FBN3: variants seen among roughly 807,000 people sequenced by gnomAD.
FBN3 encodes the protein fibrillin 3, also known as fibrillin-3.
In FBN3, 234 loss-of-function variants were observed where a neutral mutation model predicts 330.1. The ratio of observed to expected loss-of-function variants is 0.71; its 90% confidence interval spans 0.64 to 0.79. The LOEUF (loss-of-function observed/expected upper bound fraction) is 0.79, where lower values mean the gene tolerates loss of function less well. Among genes scored for constraint, FBN3 ranks in the 30% least tolerant of loss-of-function variants. The pLI, the probability that FBN3 is intolerant of heterozygous loss-of-function variation, is 0.00. For missense variants in FBN3, 3,606 were observed against 3,886.9 expected, an observed-to-expected ratio of 0.93 and a Z score of 1.92; for synonymous variants, 1,458 against 1,517.3, an observed-to-expected ratio of 0.96 and a Z score of 0.91.
At chr19:8,127,903 C>T (rs189499217) in intron 18 of FBN3, among the ~76,000 whole-genome samples, 1 of 152,210 alleles carries the variant, frequency 6.6e-6, no homozygotes, top group Admixed American at 6.5e-5. Context: ...ATCTCTTAAA[C>T]GGCGGGAGAA....
At chr19:8,134,130 T>C (rs2083221836) in intron 13 of FBN3, among the ~76,000 whole-genome samples, 1 of 151,478 alleles carries the variant, frequency 6.6e-6, no homozygotes, top group Admixed American at 6.6e-5. Context: ...TGGTCCCAGT[T>C]ACTCGGGAGG....
intron 54 of FBN3, among the ~76,000 whole-genome samples, chr19:8,086,605 C>T (rs1251316779): frequency 1.4e-5 from 2 of 144,658 alleles, no homozygotes; most frequent in Admixed American, 1.4e-4. Flanking sequence ...TACAGGTGCC[C>T]GCCGCCACGC....
chr19:8,145,100 T>G, intron 5 of FBN3, 128 bp from the exon 6 acceptor site: 1 of 796,390 alleles, frequency 1.3e-6, no homozygotes, highest in Admixed American at 2.3e-5. Context: ...GAGGCTGAGC[T>G]GAGTGGCTAG....
At chr19:8,145,574 G>A (rs1194957805) in intron 5 of FBN3, among the ~76,000 whole-genome samples, 1 of 149,482 alleles carries the variant, frequency 6.7e-6, no homozygotes. Context: ...CCAGCTACTC[G>A]GGAGGCTGAG....
At chr19:8,136,604 C>T (rs2083287656) in intron 10 of FBN3, 73 bp from the exon 11 acceptor site, 1 of 1,586,862 alleles carries the variant, frequency 6.3e-7, no homozygotes, top group African/African-American at 1.3e-5. Flanking sequence ...GGCTTCACCT[C>T]TCTAGGCCCA....
rs1204242592 is a variant in FBN3, at chr19:8,095,429, G to T, written c.5731C>A (p.His1911Asn). Reference sequence around the variant, plus strand: ...TCAAAGCCATCCTGGCAGAGGCAGTGGAAGGAACCAGCTGTGTTGAGGCAA... The same window carrying T: ...TCAAAGCCATCCTGGCAGAGGCAGTTGAAGGAACCAGCTGTGTTGAGGCAA... The part of the protein sequence containing the change: ...GHCLNTAGSF[H>N]CLCQDGFELT... Residue 1911 changes from histidine (H) to asparagine (N), a missense_variant, in exon 46 of 64, where the codon CAC becomes AAC. Coordinates refer to ENST00000600128, the MANE Select transcript of FBN3 (RefSeq NM_032447.5). 1.2e-6 allele frequency: 2 copies of T among 1,613,532 alleles called. No homozygotes were observed. Among genetic ancestry groups the T allele is most frequent in the African/African-American group, 2.7e-5 (2 of 74,870 alleles).
chr19:8,070,326 A>G (rs1050206546), intron 63 of FBN3, among the ~76,000 whole-genome samples: 2 of 152,184 alleles, frequency 1.3e-5, no homozygotes, highest in African/African-American at 4.8e-5. Flanking sequence ...TATGTTTTAC[A>G]TGTTGATTTC....
Position 8,095,450 on chromosome 19 carries a change from G to A in FBN3, c.5710C>T (p.Leu1904Phe), listed in dbSNP as rs12608849. ...CAGTGGAAGGAACCAGCTGTGTTGA[G>A]GCAATGGCCAAATCGGCACACCTGC... ...VGQVCRFGHC[L>F]NTAGSFHCLC... is the part of the protein sequence containing the mutation. Residue 1904 changes from leucine to phenylalanine, a missense_variant, in exon 46 of 64, where the codon CTC becomes TTC. By Grantham distance (22) the Leu-to-Phe change is conservative. Coordinates refer to ENST00000600128, the MANE Select transcript of FBN3 (RefSeq NM_032447.5). 0.28 allele frequency: 451,058 copies of A among 1,613,136 alleles called. 67,089 individuals carry two copies. Among genetic ancestry groups the A allele is most frequent in the East Asian group, 0.45 (20,147 of 44,824 alleles).
At chr19:8,089,175 G>A (rs2032949280) in intron 51 of FBN3, among the ~76,000 whole-genome samples, 1 of 152,336 alleles carries the variant, frequency 6.6e-6, no homozygotes, top group Non-Finnish European at 1.5e-5. Flanking sequence ...GTGAAGGAAT[G>A]AGTGAGCCAA....
intron 24 of FBN3, among the ~76,000 whole-genome samples, chr19:8,122,525 C>A (rs1294524268): frequency 6.6e-6 from 1 of 151,686 alleles, no homozygotes; most frequent in African/African-American, 2.4e-5. Context: ...CGCCACCAGG[C>A]CCAGCTAATT....
chr19:8,117,123 C>T (rs1374696185), intron 28 of FBN3, 46 bp downstream of exon 28: 2 of 1,609,998 alleles, frequency 1.2e-6, no homozygotes, highest in Admixed American at 3.3e-5. Context: ...AACACCTCCT[C>T]CTCACCCTCC....
intron 25 of FBN3, 124 bp from the exon 26 acceptor site, chr19:8,119,146 A>T (rs571627732): frequency 1.7e-5 from 20 of 1,180,358 alleles, no homozygotes; most frequent in Non-Finnish European, 2.3e-5. Context: ...GGGAGCCAGG[A>T]GAGCCTGGAG....
chr19:8,139,537 A>G (rs2083364578), intron 8 of FBN3, among the ~76,000 whole-genome samples: 1 of 151,910 alleles, frequency 6.6e-6, no homozygotes, highest in Non-Finnish European at 1.5e-5. Flanking sequence ...AGGCAGGGAC[A>G]CGGAGATCTG....
At position 8,089,578 on chromosome 19, in the gene FBN3, A is replaced by G. The variant is rs762218968; in HGVS notation, c.6343T>C (p.Tyr2115His). 2.8e-5 allele frequency: 46 copies of G among 1,614,084 alleles called. No individual in the cohort carries two copies. The highest frequency in any genetic ancestry group is 3.6e-5 in the Non-Finnish European group (43 of 1,180,028). ...GSFRCECPFG[Y>H]SLDFTGINCV... ...TTGATGCCAGTGAAGTCCAGGCTGT[A>G]GCCAAAGGGACACTCACAGCGGAAG... is the stretch of plus-strand genomic sequence containing the variant. Residue 2115 changes from tyrosine to histidine, a missense_variant, in exon 51 of 64, where the codon TAC (tyrosine) becomes CAC (histidine). Tyr to His is a moderately conservative substitution (Grantham distance 83, BLOSUM62 2). Coordinates refer to ENST00000600128, the MANE Select transcript of FBN3 (RefSeq NM_032447.5).
intron 30 of FBN3, among the ~76,000 whole-genome samples, chr19:8,115,276 G>C (rs6603144): frequency 0.98 from 149,755 of 152,350 alleles, 73,642 homozygotes; most frequent in Non-Finnish European, 1. Context: ...AATTATGAGG[G>C]ATTCACGTTT....
chr19:8,100,661 T>C (rs908902511), intron 41 of FBN3, among the ~76,000 whole-genome samples: 9 of 152,200 alleles, frequency 5.9e-5, no homozygotes, highest in African/African-American at 2.2e-4. Flanking sequence ...TTATGTTGCA[T>C]ATATTTTACT....
intron 1 of FBN3, 34 bp from the exon 2 acceptor site, chr19:8,147,531 G>GC (rs1425100344): frequency 1.4e-6 from 2 of 1,404,850 alleles, no homozygotes; most frequent in Non-Finnish European, 1.9e-6. Flanking sequence ...CCCTAGATGA[G>GC]CCCCCCACCC....
chr19:8,135,490 C>T (rs1426057563), intron 13 of FBN3, among the ~76,000 whole-genome samples: 1 of 151,758 alleles, frequency 6.6e-6, no homozygotes, highest in Non-Finnish European at 1.5e-5. Context: ...GTTGGTCAGG[C>T]TGGTCTCGAA....
chr19:8,100,263 G>A (rs1317067127), intron 41 of FBN3, among the ~76,000 whole-genome samples: 3 of 151,924 alleles, frequency 2.0e-5, no homozygotes, highest in South Asian at 2.1e-4. Flanking sequence ...AGAAAGTTCC[G>A]GATGGTGATA....
Sources: allele counts gnomAD v4.1 joint callset (sites outside exome capture counted in the v4.1 genomes callset), GRCh38; gene constraint gnomAD v4.1.1; transcripts MANE v1.5; gene names NCBI Gene and HGNC (gene_info 2026-07-23, HGNC 2026-07-21).